Variants in MBD5 observed in about 807,000 individuals in gnomAD.
The protein encoded by MBD5 is methyl-CpG binding domain protein 5, also known as methyl-CpG-binding domain protein 5.
Under a neutral mutation model 117.3 loss-of-function variants are expected in MBD5, and 13 were observed. The observed-to-expected ratio is 0.11, with a 90% CI of 0.07 to 0.18. The LOEUF is 0.18. Among genes scored for constraint, MBD5 ranks in the 10% least tolerant of loss-of-function variants. MBD5 has a pLI of 1.00. For synonymous variants in MBD5, 727 were observed against 766.4 expected, an observed-to-expected ratio of 0.95 and a Z score of 0.85; for missense variants, 1,879 against 2,093.8, an observed-to-expected ratio of 0.90 and a Z score of 2.00.
intron 1 of MBD5, among the ~76,000 whole-genome samples, chr2:148,145,417 T>G (rs1697431353): frequency 6.6e-6 from 1 of 152,186 alleles, no homozygotes. Context: ...GACTTCCTCT[T>G]TTCCTAATTG....
At chr2:148,164,234 T>C (rs909920083) in intron 1 of MBD5, among the ~76,000 whole-genome samples, 52 of 152,210 alleles carry the variant, frequency 3.4e-4, no homozygotes, top group African/African-American at 1.3e-3. Context: ...AAGCTTCTGC[T>C]ACTATCTTCT....
intron 1 of MBD5, among the ~76,000 whole-genome samples, chr2:148,076,180 TTTGTTG>T (rs138392518): frequency 4.9e-4 from 74 of 151,442 alleles, no homozygotes; most frequent in African/African-American, 1.7e-3. Context: ...GTCGTCGTTT[TTTGTTG>T]TTGTTGTTGT....
intron 3 of MBD5, among the ~76,000 whole-genome samples, chr2:148,282,765 G>C (rs1701278868): frequency 6.6e-6 from 1 of 151,424 alleles, no homozygotes; most frequent in South Asian, 2.1e-4. Context: ...GTACTTTAAA[G>C]TGAAATATTA....
At chr2:148,187,321 A>T (rs1425644462) in intron 2 of MBD5, among the ~76,000 whole-genome samples, 1 of 152,022 alleles carries the variant, frequency 6.6e-6, no homozygotes, top group Non-Finnish European at 1.5e-5. Flanking sequence ...CCCCAAAAAA[A>T]AAACCCAGCA....
At chr2:148,271,070 G>A (rs1464805432) in intron 3 of MBD5, among the ~76,000 whole-genome samples, 1 of 152,088 alleles carries the variant, frequency 6.6e-6, no homozygotes, top group Admixed American at 6.5e-5. Context: ...CCCATCTTAA[G>A]AGCTTTTGCT....
intron 1 of MBD5, among the ~76,000 whole-genome samples, chr2:148,159,186 T>A (rs1206145418): frequency 6.6e-6 from 1 of 152,234 alleles, no homozygotes; most frequent in Non-Finnish European, 1.5e-5. Flanking sequence ...AAATCCGTGC[T>A]TGTTCTCATG....
At chr2:148,361,414 C>T (rs966259390) in intron 4 of MBD5, among the ~76,000 whole-genome samples, 3 of 151,978 alleles carry the variant, frequency 2.0e-5, no homozygotes, top group African/African-American at 7.2e-5. Flanking sequence ...AGTACATATT[C>T]TTCTGAACAT....
At chr2:148,452,829 G>T (rs566594969) in intron 4 of MBD5, among the ~76,000 whole-genome samples, 1 of 152,258 alleles carries the variant, frequency 6.6e-6, no homozygotes, top group South Asian at 2.1e-4. Flanking sequence ...CTCAGAGATT[G>T]TGAGATCATC....
intron 2 of MBD5, among the ~76,000 whole-genome samples, chr2:148,187,071 C>T (rs1191525892): frequency 1.3e-5 from 2 of 152,034 alleles, no homozygotes; most frequent in Non-Finnish European, 2.9e-5. Flanking sequence ...AAAACTGAAC[C>T]GCTGCTGGGT....
At chr2:148,042,621 C>G (rs1694394617) in intron 1 of MBD5, among the ~76,000 whole-genome samples, 1 of 151,748 alleles carries the variant, frequency 6.6e-6, no homozygotes, top group Non-Finnish European at 1.5e-5. Flanking sequence ...TAAAATAAAA[C>G]TACAAATTTA....
chr2:148,081,206 C>G (rs1695639400), intron 1 of MBD5, among the ~76,000 whole-genome samples: 1 of 152,146 alleles, frequency 6.6e-6, no homozygotes, highest in African/African-American at 2.4e-5. Context: ...TGTTTATTGT[C>G]TCCTCCAAAC....
chr2:148,190,868 C>T (rs1054734972), intron 2 of MBD5, among the ~76,000 whole-genome samples: 2 of 88,734 alleles, frequency 2.3e-5, no homozygotes, highest in African/African-American at 8.3e-5. Flanking sequence ...ACCCATCTCA[C>T]GTGCAGAGAC....
intron 1 of MBD5, among the ~76,000 whole-genome samples, chr2:148,051,413 T>G (rs1447201137): frequency 1.3e-5 from 2 of 151,952 alleles, no homozygotes. Flanking sequence ...GTTTTTCTTT[T>G]TTTTTTTTCG....
chr2:148,084,593 T>G (rs1695731555), intron 1 of MBD5, among the ~76,000 whole-genome samples: 1 of 152,134 alleles, frequency 6.6e-6, no homozygotes, highest in African/African-American at 2.4e-5. Flanking sequence ...AGGTTCTGCC[T>G]TTTTTTAGGG....
intron 1 of MBD5, among the ~76,000 whole-genome samples, chr2:148,140,385 A>C (rs543370916): frequency 2.0e-5 from 3 of 152,308 alleles, no homozygotes; most frequent in African/African-American, 7.2e-5. Context: ...CAGATAAAAA[A>C]ATTATGTTGT....
At chr2:148,246,150 G>A (rs1196990567) in intron 3 of MBD5, among the ~76,000 whole-genome samples, 1 of 152,084 alleles carries the variant, frequency 6.6e-6, no homozygotes, top group Non-Finnish European at 1.5e-5. Context: ...CTGCATGATA[G>A]GAATCATTAT....
At chr2:148,482,593 G>A (rs1681193407) in intron 8 of MBD5, among the ~76,000 whole-genome samples, 1 of 151,920 alleles carries the variant, frequency 6.6e-6, no homozygotes, top group South Asian at 2.1e-4. Flanking sequence ...ATCTTCACAG[G>A]TACTTTTTAT....
intron 3 of MBD5, among the ~76,000 whole-genome samples, chr2:148,337,943 T>A (rs1195295918): frequency 6.6e-6 from 1 of 152,134 alleles, no homozygotes; most frequent in Non-Finnish European, 1.5e-5. Context: ...ATGGTCTGAG[T>A]CCTGAAATGT....
chr2:148,456,971 A>T, intron 4 of MBD5, among the ~76,000 whole-genome samples: 1 of 152,152 alleles, frequency 6.6e-6, no homozygotes, highest in Non-Finnish European at 1.5e-5. Flanking sequence ...CAACTTAACT[A>T]CACAGACTTT....
Sources: gnomAD v4.1 joint callset for allele counts (sites outside exome capture counted in the v4.1 genomes callset) on GRCh38, gnomAD v4.1.1 for gene constraint, MANE v1.5 for transcripts, NCBI Gene and HGNC (gene_info 2026-07-23, HGNC 2026-07-21) for gene names.